The following WDR7 variants were observed in gnomAD, a reference collection of about 807,000 sequenced individuals.
WDR7 encodes the protein WD repeat domain 7.
In WDR7, 46 loss-of-function variants were observed where a neutral mutation model predicts 169.4. That is an observed-to-expected ratio of 0.27 (90% CI 0.21 to 0.35). The LOEUF (loss-of-function observed/expected upper bound fraction) is 0.35, where lower values mean the gene tolerates loss of function less well. WDR7 is among the 10% of genes least tolerant of loss of function. The pLI, the probability that WDR7 is intolerant of heterozygous loss-of-function variation, is 1.00. For missense variants in WDR7, 1,534 were observed against 1,859.3 expected (o/e 0.83, Z 3.22); for synonymous variants, 612 against 666.8 (o/e 0.92, Z 1.27).
chr18:56,672,719 T>C (rs370439887), intron 2 of WDR7, 45 bp downstream of exon 2: 102 of 1,507,466 alleles, frequency 6.8e-5, no homozygotes, highest in Non-Finnish European at 8.6e-5. Flanking sequence ...TATAAAAATC[T>C]ACTTATTAGA....
chr18:57,017,917 G>T (rs893199955), intron 26 of WDR7, among the ~76,000 whole-genome samples: 7 of 152,146 alleles, frequency 4.6e-5, no homozygotes, highest in Admixed American at 6.5e-5. Flanking sequence ...TTAAATACTC[G>T]CCAGAGGAAG....
At chr18:56,779,593 G>A (rs766416696) in intron 18 of WDR7, 44 bp downstream of exon 18, 24 of 1,470,584 alleles carry the variant, frequency 1.6e-5, no homozygotes, top group East Asian at 1.6e-4. Context: ...ATATTAAAAA[G>A]GCATTGGTCA....
intron 26 of WDR7, chr18:57,010,305 A>AGT (rs1238499770): frequency 1.4e-5 from 14 of 983,790 alleles, no homozygotes; most frequent in Non-Finnish European, 1.7e-5. Context: ...TCATATGAGC[A>AGT]GTGTAAATAT....
intron 26 of WDR7, among the ~76,000 whole-genome samples, chr18:57,007,069 T>G (rs995033489): frequency 4.6e-5 from 7 of 150,602 alleles, no homozygotes; most frequent in African/African-American, 1.2e-4. Flanking sequence ...AAGCTCCACC[T>G]CCCGGGTTCA....
At chr18:56,983,253 A>G (rs1220147053) in intron 26 of WDR7, among the ~76,000 whole-genome samples, 8 of 152,178 alleles carry the variant, frequency 5.3e-5, no homozygotes, top group African/African-American at 1.9e-4. Flanking sequence ...ATTTTTTACT[A>G]AATACCTTTA....
chr18:56,979,024 T>G (rs75587912), intron 26 of WDR7, among the ~76,000 whole-genome samples: 1 of 152,112 alleles, frequency 6.6e-6, no homozygotes, highest in Non-Finnish European at 1.5e-5. Flanking sequence ...AAATGGAACT[T>G]TAAGATGAGT....
At chr18:56,713,310 C>T (rs188315200) in intron 12 of WDR7, among the ~76,000 whole-genome samples, 4 of 152,238 alleles carry the variant, frequency 2.6e-5, no homozygotes, top group South Asian at 2.1e-4. Context: ...TGAAGTTACT[C>T]ACATTAATGA....
At chr18:57,019,720 C>T (rs1189951775) in intron 26 of WDR7, among the ~76,000 whole-genome samples, 2 of 151,868 alleles carry the variant, frequency 1.3e-5, no homozygotes, top group Non-Finnish European at 1.5e-5. Context: ...ACCTGTGGGC[C>T]GAAACACATA....
At chr18:56,973,027 C>T (rs1434133567) in intron 26 of WDR7, among the ~76,000 whole-genome samples, 2 of 152,160 alleles carry the variant, frequency 1.3e-5, no homozygotes, top group East Asian at 1.9e-4. Flanking sequence ...CCATGCCCAG[C>T]TAATTTTTCT....
chr18:56,969,119 A>G (rs905554955), intron 26 of WDR7, among the ~76,000 whole-genome samples: 1 of 152,142 alleles, frequency 6.6e-6, no homozygotes, highest in Non-Finnish European at 1.5e-5. Context: ...TTTTGTCTCA[A>G]ATTCAATGTG....
intron 26 of WDR7, among the ~76,000 whole-genome samples, chr18:56,995,474 G>A (rs144329068): frequency 9.5e-4 from 145 of 152,214 alleles, no homozygotes; most frequent in African/African-American, 3.0e-3. Flanking sequence ...AGTATGTTCC[G>A]TACATCACTC....
chr18:56,932,773 A>T (rs1315169487), intron 22 of WDR7, among the ~76,000 whole-genome samples: 2 of 152,154 alleles, frequency 1.3e-5, no homozygotes, highest in African/African-American at 4.8e-5. Flanking sequence ...CATAAGGGTA[A>T]GGGGAAACTA....
chr18:56,653,537 C>T (rs1343127630), intron 1 of WDR7, among the ~76,000 whole-genome samples: 5 of 152,148 alleles, frequency 3.3e-5, no homozygotes, highest in Non-Finnish European at 7.3e-5. Flanking sequence ...CTAATTCCCG[C>T]TGTTTTCTCT....
In WDR7 at chr18:57,025,457, G is replaced by A. The variant is rs148872683; in HGVS notation, c.4270-1547G>A. On this transcript the variant is annotated intron_variant, in intron 27 of 27. Transcript: ENST00000254442. ...ATCTTCTGTGAAGTTTTTGGGAAAA[G>A]GAGAGAAGGAAGCAAAGAAACACGC... is the stretch of plus-strand genomic sequence containing the variant. Among the ~76,000 whole-genome samples, 577 of 152,280 alleles carry A rather than the reference G, an allele frequency of 3.8e-3. 2 individuals carry two copies. The highest frequency in any genetic ancestry group is 0.013 in the African/African-American group (533 of 41,570).
intron 26 of WDR7, among the ~76,000 whole-genome samples, chr18:57,017,242 A>C (rs1038596579): frequency 1.4e-4 from 21 of 152,326 alleles, no homozygotes; most frequent in South Asian, 6.2e-4. Flanking sequence ...ATTGTAATGA[A>C]CTCACCAGAT....
intron 19 of WDR7, among the ~76,000 whole-genome samples, chr18:56,802,360 T>C (rs1050513498): frequency 6.6e-6 from 1 of 151,900 alleles, no homozygotes; most frequent in Non-Finnish European, 1.5e-5. Context: ...ATTTTTGTTT[T>C]GTTTTTGGTT....
chr18:56,659,079 T>G (rs770145806), intron 1 of WDR7, among the ~76,000 whole-genome samples: 8 of 152,158 alleles, frequency 5.3e-5, no homozygotes, highest in Non-Finnish European at 1.2e-4. Context: ...ACTGTAGTAG[T>G]GATTATGTCA....
chr18:57,020,469 G>A (rs2048272048), intron 26 of WDR7, among the ~76,000 whole-genome samples: 1 of 152,140 alleles, frequency 6.6e-6, no homozygotes, highest in Non-Finnish European at 1.5e-5. Flanking sequence ...ACATTGGTTT[G>A]CCTATTAATA....
intron 20 of WDR7, among the ~76,000 whole-genome samples, chr18:56,820,090 C>T (rs1162528328): frequency 2.0e-5 from 3 of 151,764 alleles, no homozygotes; most frequent in Non-Finnish European, 4.4e-5. Flanking sequence ...TATCATGGTA[C>T]AGTATAGCAT....
Sources: allele counts gnomAD v4.1 joint callset (sites outside exome capture counted in the v4.1 genomes callset), GRCh38; gene constraint gnomAD v4.1.1; transcripts MANE v1.5; gene names NCBI Gene and HGNC (gene_info 2026-07-23, HGNC 2026-07-21).